USP6: variants seen among roughly 807,000 people sequenced by gnomAD.
USP6 encodes the protein ubiquitin carboxyl-terminal hydrolase 6.
Under a neutral mutation model 175.7 loss-of-function variants are expected in USP6, and 128 were observed. The ratio of observed to expected loss-of-function variants is 0.73; its 90% CI spans 0.63 to 0.84. The LOEUF (loss-of-function observed/expected upper bound fraction) is 0.84. Ranked by LOEUF, USP6 falls within the 40% of genes least tolerant of loss-of-function variation. The pLI, the probability that USP6 is intolerant of heterozygous loss-of-function variation, is 0.00. For missense variants in USP6, 1,498 were observed against 1,760.3 expected (o/e 0.85, Z 2.67); for synonymous variants, 562 against 630.6 (o/e 0.89, Z 1.63).
chr17:5,119,645 T>C (rs572228490), intron 2 of USP6, among the ~76,000 whole-genome samples: 8 of 152,316 alleles, frequency 5.3e-5, no homozygotes, highest in African/African-American at 1.4e-4. Context: ...CATTTGTCCC[T>C]TGAGGCTCAG....
intron 1 of USP6, 60 bp from the exon 2 acceptor site, chr17:5,118,115 CTGGCTAGCATTCACTTATTCTACCA>C (rs1368951919): frequency 5.3e-5 from 8 of 152,028 alleles, no homozygotes; most frequent in Non-Finnish European, 1.2e-4. Context: ...TGGCAGATTA[CTGGCTAGCATTCACTTATTCTACCA>C]TAGTCATGTG....
At chr17:5,144,620 A>G (rs995333052) in intron 25 of USP6, 70 bp from the exon 26 acceptor site, 1 of 1,539,676 alleles carries the variant, frequency 6.5e-7, no homozygotes, top group East Asian at 2.3e-5. Flanking sequence ...CTCTGATTGG[A>G]TTATAGGACA....
rs569709873 is a variant in USP6, at chr17:5,133,949, G to A, written c.447G>A (p.Arg149=). The change falls in exon 15 of 38, where the codon AGG becomes AGA. Residue 149 remains arginine, a synonymous_variant. Coordinates refer to ENST00000574788, the MANE Select transcript of USP6 (RefSeq NM_001304284.2). ...EHIHHIDLDV[R]TTLRNHVFFR... is the part of the protein sequence containing the mutation. ...TCCACCACATCGACCTGGACGTGAG[G>A]ACGACTCTCCGGAACCATGTCTTCT... 1.2e-5 allele frequency: 20 copies of A among 1,614,048 alleles called. No individual in the cohort carries two copies. The highest frequency in any genetic ancestry group is 2.2e-5 in the East Asian group (1 of 44,880).
At chr17:5,139,163 A>G (rs1196944630) in intron 21 of USP6, 92 bp from the exon 22 acceptor site, 1 of 1,598,084 alleles carries the variant, frequency 6.3e-7, no homozygotes, top group Non-Finnish European at 8.5e-7. Flanking sequence ...CAGAGACCCC[A>G]AGGACTCCAG....
At chr17:5,150,560 T>A (rs1288171622) in intron 30 of USP6, among the ~76,000 whole-genome samples, 2 of 150,360 alleles carry the variant, frequency 1.3e-5, no homozygotes, top group Non-Finnish European at 3.0e-5. Context: ...AGTGGTGCAA[T>A]CTCGGTTCAC....
Position 5,133,606 on chromosome 17 carries a change from C to T in USP6, c.384+56C>T. The T allele has an allele frequency of 3.3e-6, 5 of 1,509,406 alleles. No homozygotes were observed. The South Asian group carries it at 3.4e-5, about 10-fold the overall frequency. The allele number at this position is 1,509,406 out of a possible 1,614,324, so 93.5% of individuals were successfully genotyped here. A position where few individuals can be genotyped will look rare whatever the true frequency, so the allele number is the denominator to read the frequency against. On this transcript the variant is annotated intron_variant, in intron 14 of 37. Transcript: ENST00000574788. ...CAGGCCGTGTCAGGGGCCCAGGTCT[C>T]CAGCTGGAGGGAACGTCAAGCCCAC...
At position 5,170,331 on chromosome 17, in the gene USP6, C is replaced by T. The variant is rs1598106555; in HGVS notation, c.3518-148C>T. The T allele has an allele frequency of 1.1e-5, 14 of 1,255,660 alleles. No individual in the cohort carries two copies. The East Asian group carries it at 3.5e-4, about 31-fold the overall frequency. 77.8% of individuals were successfully genotyped at this position (1,255,660 alleles called of 1,614,324 possible). On this transcript the variant is annotated intron_variant, in intron 35 of 37. Transcript: ENST00000574788. ...ACAAAAATGTAACTTACTGGCTACA[C>T]AATAGGAACCAAAGGGTAGCCAGTC...
Position 5,135,263 on chromosome 17 carries a change from C to T in USP6, c.524C>T (p.Ala175Val). The change falls in exon 16 of 38, where the codon GCC (alanine) becomes GTC (valine). Residue 175 changes from alanine to valine, a missense_variant. This residue lies in a region of USP6 where 281 missense variants were observed against 259.6 expected (regional missense o/e 1.08). Coordinates refer to ENST00000574788, the MANE Select transcript of USP6 (RefSeq NM_001304284.2). ...AGGGAACTATTCTACATCCTCCTGG[C>T]CTATTCGGAGTATAACCCGGTGAGT... ...KQRELFYILLAYSEYNPEVGY... is the reference protein window; with the variant it reads ...KQRELFYILLVYSEYNPEVGY... 7 of 1,612,898 alleles carry T rather than the reference C, an allele frequency of 4.3e-6. No homozygotes were observed. In the South Asian group the frequency reaches 7.7e-5, roughly 18 times the overall value.
chr17:5,128,077 G>T (rs2072947344), intron 7 of USP6, among the ~76,000 whole-genome samples: 1 of 152,208 alleles, frequency 6.6e-6, no homozygotes, highest in South Asian at 2.1e-4. Context: ...TGGACGCCCT[G>T]TCTCAGGACT....
intron 6 of USP6, among the ~76,000 whole-genome samples, chr17:5,126,556 G>A (rs1031202403): frequency 1.3e-5 from 2 of 152,070 alleles, no homozygotes; most frequent in African/African-American, 4.8e-5. Context: ...ACTCATGCAC[G>A]TCTCTCTCTG....
chr17:5,168,664 T>A, intron 34 of USP6, 103 bp from the exon 35 acceptor site: 1 of 1,415,562 alleles, frequency 7.1e-7, no homozygotes, highest in Non-Finnish European at 9.6e-7. Context: ...AATGTTCTGT[T>A]ATATATTTCC....
rs1018767581 is a variant in USP6, at chr17:5,130,394, T to C, written c.27T>C (p.Ser9=). ...TGGACATGGTAGAGAATGCAGATAG[T>C]TTGCAGGCACAGGAGCGGAAGGACA... MDMVENAD[S]LQAQERKDIL... is the part of the protein sequence containing the mutation. The change falls in exon 10 of 38, where the codon AGT becomes AGC. Residue 9 remains serine (S), a synonymous_variant. Coordinates refer to ENST00000574788, the MANE Select transcript of USP6 (RefSeq NM_001304284.2). 4 of 1,613,968 alleles carry C rather than the reference T, an allele frequency of 2.5e-6. No individual in the cohort carries two copies. In the African/African-American group the frequency reaches 5.3e-5, roughly 22 times the overall value.
In USP6 at chr17:5,130,694, C is replaced by T. The variant is rs772883325; in HGVS notation, c.155+10C>T. On this transcript the variant is annotated intron_variant, in intron 11 of 37. Transcript: ENST00000574788. Reference sequence around the variant, plus strand: ...GTTTTGGCATTTTGCAGTGAGTCATCCTCTATGCTCCCCTCACCCCTAAAG... The same window carrying T: ...GTTTTGGCATTTTGCAGTGAGTCATTCTCTATGCTCCCCTCACCCCTAAAG... The T allele has an allele frequency of 1.6e-5, 26 of 1,613,550 alleles. No homozygotes were observed. The highest frequency in any genetic ancestry group is 2.2e-5 in the East Asian group (1 of 44,896).
chr17:5,133,577 A>G (rs1416377592), intron 14 of USP6, 27 bp downstream of exon 14: 2 of 1,522,566 alleles, frequency 1.3e-6, no homozygotes, highest in South Asian at 2.2e-5. Flanking sequence ...CACAACAAAC[A>G]GGACAGGCCG....
chr17:5,135,863 T>G lies in USP6; in HGVS notation c.599T>G (p.Leu200Arg). 6.3e-7 allele frequency: 1 copy of G among 1,599,580 alleles called. No homozygotes were observed. The highest frequency in any genetic ancestry group is 8.5e-7 in the Non-Finnish European group (1 of 1,179,802). The change falls in exon 17 of 38, where the codon CTG becomes CGG. Residue 200 changes from leucine to arginine, a missense_variant. Physicochemically the swap from Leu to Arg is moderately radical, Grantham distance 102. Around this residue, in one of 2 missense-constraint regions of USP6, gnomAD observed 1,217 missense variants for 1,500.8 expected, o/e 0.81. Coordinates refer to ENST00000574788, the MANE Select transcript of USP6 (RefSeq NM_001304284.2). ...ATCACCGCCTTGTTCCTCCTTTATC[T>G]GCCTGAGGAGGACGCATTCTGGGCA... ...SHITALFLLYLPEEDAFWALV... is the reference protein window; with the variant it reads ...SHITALFLLYRPEEDAFWALV...
intron 21 of USP6, among the ~76,000 whole-genome samples, chr17:5,138,812 C>A (rs1160363191): frequency 6.6e-6 from 1 of 152,188 alleles, no homozygotes; most frequent in Non-Finnish European, 1.5e-5. Context: ...TGGGAACGGT[C>A]AGTCCTGGCA....
At chr17:5,144,922 C>T (rs1567795825) in intron 26 of USP6, 59 bp downstream of exon 26, 1 of 1,509,200 alleles carries the variant, frequency 6.6e-7, no homozygotes, top group Non-Finnish European at 8.9e-7. Context: ...ACCACAAATA[C>T]ATGTAGCACA....
intron 7 of USP6, among the ~76,000 whole-genome samples, chr17:5,128,107 C>T (rs180786204): frequency 1.3e-5 from 2 of 152,304 alleles, no homozygotes; most frequent in South Asian, 2.1e-4. Flanking sequence ...GTTTGGATGG[C>T]ACAGGCAGAC....
chr17:5,153,215 G>A (rs1006507723), intron 30 of USP6, among the ~76,000 whole-genome samples: 2 of 152,186 alleles, frequency 1.3e-5, no homozygotes, highest in African/African-American at 4.8e-5. Context: ...GCTTTTGAGT[G>A]CTCACTATAT....
Sources: gnomAD v4.1 joint callset for allele counts (sites outside exome capture counted in the v4.1 genomes callset) on GRCh38, gnomAD v4.1.1 for gene constraint, gnomAD v4.1.1 regional missense constraint, MANE v1.5 for transcripts, NCBI Gene and HGNC (gene_info 2026-07-23, HGNC 2026-07-21) for gene names.